The following NFIA variants were observed in gnomAD, a reference collection of about 807,000 sequenced individuals.
NFIA encodes nuclear factor 1 A-type.
NFIA carries 8 observed loss-of-function variants against 62.8 expected under a neutral mutation model. The ratio of observed to expected loss-of-function variants is 0.13; its 90% CI spans 0.07 to 0.23. NFIA has a LOEUF of 0.23. Ranked by LOEUF, NFIA falls within the 10% of genes least tolerant of loss-of-function variation. NFIA has a pLI of 1.00. For missense variants in NFIA, 410 were observed against 642.1 expected (o/e 0.64, Z 3.91); for synonymous variants, 235 against 238.1 (o/e 0.99, Z 0.12).
intron 2 of NFIA, among the ~76,000 whole-genome samples, chr1:61,229,732 C>T (rs945256100): frequency 2.0e-5 from 3 of 152,022 alleles, no homozygotes; most frequent in African/African-American, 7.3e-5. Context: ...GACTTTTCTA[C>T]AAAAATCTGG....
chr1:61,131,493 T>C (rs6678039), intron 2 of NFIA, among the ~76,000 whole-genome samples: 15,421 of 151,880 alleles, frequency 0.1, 1,013 homozygotes, highest in Middle Eastern at 0.22. Flanking sequence ...AGGGGAAGAG[T>C]AGGGCCCCTA....
At chr1:61,412,258 G>A (rs1474922295) in intron 9 of NFIA, among the ~76,000 whole-genome samples, 1 of 152,088 alleles carries the variant, frequency 6.6e-6, no homozygotes, top group African/African-American at 2.4e-5. Flanking sequence ...TAGTGGAAGG[G>A]GATAAACAAT....
chr1:61,313,628 C>T (rs1332357006), intron 3 of NFIA, among the ~76,000 whole-genome samples: 2 of 152,180 alleles, frequency 1.3e-5, no homozygotes, highest in African/African-American at 4.8e-5. Flanking sequence ...CTCTATCAGA[C>T]ACTTTCCCTG....
At chr1:61,359,417 C>A in intron 6 of NFIA, 143 bp downstream of exon 6, 1 of 1,184,668 alleles carries the variant, frequency 8.4e-7, no homozygotes, top group Non-Finnish European at 1.2e-6. Context: ...GTATTGTAAT[C>A]TGATTGCCAC....
At chr1:61,383,907 G>T (rs2100487077) in intron 7 of NFIA, among the ~76,000 whole-genome samples, 1 of 152,302 alleles carries the variant, frequency 6.6e-6, no homozygotes, top group Admixed American at 6.5e-5. Flanking sequence ...TTTTGAAGTG[G>T]TAGATAGTTT....
chr1:61,139,946 A>G (rs1647381763), intron 2 of NFIA, among the ~76,000 whole-genome samples: 1 of 151,826 alleles, frequency 6.6e-6, no homozygotes, highest in African/African-American at 2.4e-5. Context: ...TGTTTTGAAA[A>G]CTCAGTGGAA....
chr1:61,271,958 C>G (rs897432516), intron 2 of NFIA, among the ~76,000 whole-genome samples: 3 of 152,166 alleles, frequency 2.0e-5, no homozygotes, highest in Non-Finnish European at 4.4e-5. Context: ...CATCTTTTAT[C>G]TGTTTTAGGA....
intron 2 of NFIA, among the ~76,000 whole-genome samples, chr1:61,180,438 A>G (rs144190541): frequency 2.3e-4 from 35 of 152,294 alleles, no homozygotes; most frequent in African/African-American, 8.2e-4. Context: ...CAGAATATTT[A>G]TATTACTCAT....
chr1:61,440,729 C>T (rs1351695910), intron 10 of NFIA, among the ~76,000 whole-genome samples: 1 of 151,066 alleles, frequency 6.6e-6, no homozygotes, highest in Non-Finnish European at 1.5e-5. Context: ...CCTTTTTCCA[C>T]AAATTTTTAG....
At chr1:61,396,693 T>C (rs532245741) in intron 7 of NFIA, among the ~76,000 whole-genome samples, 53 of 152,218 alleles carry the variant, frequency 3.5e-4, no homozygotes, top group African/African-American at 1.2e-3. Flanking sequence ...GCTCAGATTG[T>C]GGTGTGGTCA....
intron 9 of NFIA, among the ~76,000 whole-genome samples, chr1:61,410,083 C>T (rs78319638): frequency 6.6e-6 from 1 of 152,198 alleles, no homozygotes; most frequent in Non-Finnish European, 1.5e-5. Context: ...TCCCTGCTCT[C>T]AAGAAATGGG....
At chr1:61,262,699 A>C (rs1656840041) in intron 2 of NFIA, among the ~76,000 whole-genome samples, 1 of 152,208 alleles carries the variant, frequency 6.6e-6, no homozygotes, top group African/African-American at 2.4e-5. Context: ...AAAAATGGAA[A>C]ATGAAAACAC....
upstream of NFIA, chr1:61,077,714 T>C: frequency 9.0e-7 from 1 of 1,107,882 alleles, no homozygotes; most frequent in Non-Finnish European, 1.2e-6. Context: ...GTTTAATGGC[T>C]AAGACTAAAA....
chr1:61,184,067 TTG>T (rs1380940677), intron 2 of NFIA, among the ~76,000 whole-genome samples: 2 of 147,974 alleles, frequency 1.4e-5, no homozygotes, highest in African/African-American at 2.5e-5. Context: ...GAGAAGCAAG[TTG>T]TGAGAAATCT....
chr1:61,328,452 G>A (rs912402247), intron 3 of NFIA, among the ~76,000 whole-genome samples: 5 of 150,128 alleles, frequency 3.3e-5, no homozygotes, highest in African/African-American at 1.2e-4. Flanking sequence ...ACGGAATTTC[G>A]CTCTTATTGC....
chr1:61,184,554 A>C (rs1174992251), intron 2 of NFIA, among the ~76,000 whole-genome samples: 2 of 152,276 alleles, frequency 1.3e-5, no homozygotes, highest in African/African-American at 4.8e-5. Flanking sequence ...GCCAGAGGCC[A>C]AGGGTACAGC....
chr1:61,315,400 A>G (rs1660318972), intron 3 of NFIA, among the ~76,000 whole-genome samples: 1 of 152,250 alleles, frequency 6.6e-6, no homozygotes, highest in African/African-American at 2.4e-5. Context: ...GTATACATGC[A>G]TAAACATGGT....
intron 1 of NFIA, among the ~76,000 whole-genome samples, chr1:61,083,180 A>G (rs1646148800): frequency 1.3e-5 from 2 of 152,064 alleles, no homozygotes; most frequent in South Asian, 4.1e-4. Context: ...GTTGCAGTCC[A>G]TGACACGCAG....
At chr1:61,266,326 T>C (rs1657162045) in intron 2 of NFIA, among the ~76,000 whole-genome samples, 1 of 152,180 alleles carries the variant, frequency 6.6e-6, no homozygotes, top group South Asian at 2.1e-4. Context: ...CCCTATTGTA[T>C]TTTATGGCTC....
Sources: gnomAD v4.1 joint callset for allele counts (sites outside exome capture counted in the v4.1 genomes callset) on GRCh38, gnomAD v4.1.1 for gene constraint, MANE v1.5 for transcripts, NCBI Gene and HGNC (gene_info 2026-07-23, HGNC 2026-07-21) for gene names.